The following PTPRD variants were observed in gnomAD, a reference collection of about 807,000 sequenced individuals.
PTPRD encodes protein tyrosine phosphatase receptor type D, also known as receptor-type tyrosine-protein phosphatase delta.
In PTPRD, 34 loss-of-function variants were observed where a neutral mutation model predicts 214.5. That is an observed-to-expected ratio of 0.16 (90% CI 0.12 to 0.21). The LOEUF is 0.21. PTPRD is among the 10% of genes least tolerant of loss of function. The pLI is 1.00. For synonymous variants in PTPRD, 1,128 were observed against 845.7 expected (o/e 1.33, Z -5.79); for missense variants, 2,545 against 2,398.7 (o/e 1.06, Z -1.27).
chr9:9,731,377 CTATT>C (rs2098188621), intron 7 of PTPRD, among the ~76,000 whole-genome samples: 1 of 152,060 alleles, frequency 6.6e-6, no homozygotes, highest in Admixed American at 6.6e-5. Context: ...TTTTCAAATA[CTATT>C]AACCATCCTT....
At chr9:8,789,426 T>G (rs1230201030) in intron 11 of PTPRD, among the ~76,000 whole-genome samples, 4 of 152,210 alleles carry the variant, frequency 2.6e-5, no homozygotes, top group African/African-American at 9.7e-5. Flanking sequence ...CCCACTGACC[T>G]GCTCTGTAGA....
chr9:9,722,089 T>C (rs894678237), intron 7 of PTPRD, among the ~76,000 whole-genome samples: 12 of 152,052 alleles, frequency 7.9e-5, no homozygotes, highest in Non-Finnish European at 1.3e-4. Flanking sequence ...TATTAAGATA[T>C]ATTTTACACA....
rs147427272 is a variant in PTPRD, at chr9:8,504,338, T to C, written c.1745A>G (p.Tyr582Cys). ...LQGLKPNSLYYFRLAARSPQG... is the reference protein window; with the variant it reads ...LQGLKPNSLYCFRLAARSPQG... ...AGGGGAGCGTGCAGCCAGACGGAAATAGTATAAGCTGTTTGGTTTCAGTCC... is the reference window on the plus strand; with the variant it reads ...AGGGGAGCGTGCAGCCAGACGGAAACAGTATAAGCTGTTTGGTTTCAGTCC... Residue 582 changes from tyrosine (Y) to cysteine (C), a missense_variant, in exon 23 of 46, where the codon TAT becomes TGT. Physicochemically the swap from Tyr to Cys is radical, Grantham distance 194. Coordinates refer to ENST00000381196, the MANE Select transcript of PTPRD (RefSeq NM_002839.4). 8.9e-5 allele frequency: 143 copies of C among 1,614,082 alleles called. No homozygotes were observed. The highest frequency in any genetic ancestry group is 1.1e-4 in the Non-Finnish European group (127 of 1,179,978).
chr9:8,507,254 C>T (rs779049629), intron 22 of PTPRD, 47 bp downstream of exon 22: 2 of 1,579,868 alleles, frequency 1.3e-6, no homozygotes, highest in Admixed American at 1.8e-5. Flanking sequence ...AAAAAAGTGG[C>T]CCCACGTAAT....
At chr9:9,734,267 T>G (rs10977936) in intron 7 of PTPRD, among the ~76,000 whole-genome samples, 29,880 of 152,078 alleles carry the variant, frequency 0.2, 3,081 homozygotes, top group African/African-American at 0.25. Context: ...TTTAATTTCC[T>G]TAAGAAACAA....
At chr9:8,579,549 A>T (rs2092833210) in intron 14 of PTPRD, among the ~76,000 whole-genome samples, 1 of 152,200 alleles carries the variant, frequency 6.6e-6, no homozygotes, top group South Asian at 2.1e-4. Context: ...ATAAAAGTAT[A>T]AAAAACCCAC....
intron 14 of PTPRD, among the ~76,000 whole-genome samples, chr9:8,568,787 C>T (rs1444679333): frequency 3.3e-5 from 5 of 151,750 alleles, no homozygotes; most frequent in African/African-American, 1.2e-4. Context: ...CCATTTTCTA[C>T]AGAATTCATA....
rs73392285 is a variant in PTPRD at position 10,489,740 on chromosome 9, T to C, written c.-600+122658A>G. Among the ~76,000 whole-genome samples the C allele has an allele frequency of 6.1e-3, 934 of 152,228 alleles. 6 individuals carry two copies. Among genetic ancestry groups the C allele is most frequent in the African/African-American group, 0.022 (900 of 41,542 alleles). On this transcript the variant is annotated intron_variant, in intron 2 of 45. Coordinates refer to ENST00000381196, the MANE Select transcript of PTPRD (RefSeq NM_002839.4). ...TTTAAATGGTCCCTCCATGGTTAGTTATCAGCTGAGTTTGGTCTAGTTTTG... is the reference window on the plus strand; with the variant it reads ...TTTAAATGGTCCCTCCATGGTTAGTCATCAGCTGAGTTTGGTCTAGTTTTG...
intron 3 of PTPRD, among the ~76,000 whole-genome samples, chr9:10,103,391 A>T (rs569645936): frequency 2.8e-4 from 40 of 141,648 alleles, no homozygotes; most frequent in Non-Finnish European, 5.1e-4. Context: ...ATATATATAT[A>T]TATTTATTTA....
rs1012330292 is a variant in PTPRD at position 8,838,074 on chromosome 9, T to C, written c.-103-104128A>G. Among the ~76,000 whole-genome samples the C allele has an allele frequency of 2.0e-5, 3 of 151,754 alleles. 1 individual carries two copies. The highest frequency in any genetic ancestry group is 4.1e-4 in the South Asian group (2 of 4,820). Reference sequence around the variant, plus strand: ...AACACAAGAAAGCACCAAAGAAAAATCTCTAAGAAAATCTTAAGGGAGAGG... The same window carrying C: ...AACACAAGAAAGCACCAAAGAAAAACCTCTAAGAAAATCTTAAGGGAGAGG... On this transcript the variant is annotated intron_variant, in intron 11 of 45. Coordinates refer to ENST00000381196, the MANE Select transcript of PTPRD (RefSeq NM_002839.4).
chr9:10,362,582 G>T (rs553437680), intron 2 of PTPRD, among the ~76,000 whole-genome samples: 1 of 151,984 alleles, frequency 6.6e-6, no homozygotes, highest in Non-Finnish European at 1.5e-5. Context: ...ATAACAGCTG[G>T]AGTAAAATAA....
chr9:8,743,028 T>G lies in PTPRD; in HGVS notation c.-103-9082A>C, dbSNP rs2092274708. On this transcript the variant is annotated intron_variant, in intron 11 of 45. Coordinates refer to ENST00000381196, the MANE Select transcript of PTPRD (RefSeq NM_002839.4). ...GCCCCCCAACAAGAAATTATCCCAT[T>G]CAGAATGTCAGCAATGCCAAAGGTG... is the stretch of plus-strand genomic sequence containing the variant. Among the ~76,000 whole-genome samples, 3 of 145,796 alleles carry G rather than the reference T, an allele frequency of 2.1e-5. 1 individual carries two copies. The Admixed American group carries it at 2.1e-4, about 10-fold the overall frequency.
chr9:10,173,602 G>T (rs1437234967), intron 3 of PTPRD, among the ~76,000 whole-genome samples: 1 of 151,732 alleles, frequency 6.6e-6, no homozygotes, highest in Non-Finnish European at 1.5e-5. Flanking sequence ...ATAACAATTG[G>T]CCCTAAAATC....
intron 5 of PTPRD, among the ~76,000 whole-genome samples, chr9:9,784,328 A>G (rs150680627): frequency 0.015 from 2,300 of 152,168 alleles, 72 homozygotes; most frequent in African/African-American, 0.051. Flanking sequence ...GTGAATATTA[A>G]GAAAAAAATC....
intron 44 of PTPRD, among the ~76,000 whole-genome samples, chr9:8,330,108 G>A (rs1226928422): frequency 1.3e-5 from 2 of 152,080 alleles, no homozygotes; most frequent in African/African-American, 4.8e-5. Context: ...GTCTCTCACG[G>A]CTTCCCTTGG....
intron 12 of PTPRD, among the ~76,000 whole-genome samples, chr9:8,717,915 C>A (rs982534094): frequency 1.3e-5 from 2 of 152,194 alleles, no homozygotes; most frequent in Non-Finnish European, 2.9e-5. Context: ...ATATCTACCT[C>A]CTGCCCTGAA....
intron 21 of PTPRD, among the ~76,000 whole-genome samples, chr9:8,507,916 C>T (rs1415883941): frequency 1.3e-5 from 2 of 152,052 alleles, no homozygotes; most frequent in African/African-American, 4.8e-5. Flanking sequence ...ACGCCAATAA[C>T]AAAACCTAAC....
chr9:9,461,947 T>C (rs989835759), intron 8 of PTPRD, among the ~76,000 whole-genome samples: 7 of 152,164 alleles, frequency 4.6e-5, no homozygotes, highest in Non-Finnish European at 1.0e-4. Context: ...TTCTACCTTA[T>C]TCCTCCTTCC....
intron 2 of PTPRD, among the ~76,000 whole-genome samples, chr9:10,374,848 G>T (rs1182395852): frequency 6.6e-6 from 1 of 151,994 alleles, no homozygotes; most frequent in African/African-American, 2.4e-5. Flanking sequence ...GATGTAATTT[G>T]TGACCTCTCA....
Sources: gnomAD v4.1 joint callset for allele counts (sites outside exome capture counted in the v4.1 genomes callset) on GRCh38, gnomAD v4.1.1 for gene constraint, MANE v1.5 for transcripts, NCBI Gene and HGNC (gene_info 2026-07-23, HGNC 2026-07-21) for gene names.